PDE10A: variants seen among roughly 807,000 people sequenced by gnomAD.
The protein encoded by PDE10A is cAMP and cAMP-inhibited cGMP 3',5'-cyclic phosphodiesterase 10A.
Under a neutral mutation model 97.7 loss-of-function variants are expected in PDE10A, and 39 were observed. The observed-to-expected ratio is 0.40, with a 90% CI of 0.31 to 0.52. The LOEUF (loss-of-function observed/expected upper bound fraction) is 0.52, where lower values mean the gene tolerates loss of function less well. Ranked by LOEUF, PDE10A falls within the 20% of genes least tolerant of loss-of-function variation. The pLI is 0.56. For synonymous variants in PDE10A, 371 were observed against 376.8 expected (o/e 0.98, Z 0.18); for missense variants, 731 against 1,047.8 (o/e 0.70, Z 4.17).
chr6:165,388,248 C>T lies in PDE10A; in HGVS notation c.2610+50G>A. On this transcript the variant is annotated intron_variant, in intron 17 of 21. Coordinates refer to ENST00000539869, the MANE Select transcript of PDE10A (RefSeq NM_001385079.1). This position sits in a 1 kb window ranked among gnomAD's most constrained non-coding sequence, Gnocchi z 4.0. ...TTTTCCACCTATGAAGTATCCCTATCTCCCAGACAGCCCTTCAGACTAAGC... is the reference window on the plus strand; with the variant it reads ...TTTTCCACCTATGAAGTATCCCTATTTCCCAGACAGCCCTTCAGACTAAGC... The T allele has an allele frequency of 1.9e-6, 3 of 1,574,872 alleles. No individual in the cohort carries two copies. Among genetic ancestry groups the T allele is most frequent in the Non-Finnish European group, 2.6e-6 (3 of 1,146,140 alleles).
At chr6:165,620,764 G>GGTGCAGGGGTTCACGCCT (rs369808830) in intron 1 of PDE10A, among the ~76,000 whole-genome samples, 1 of 151,872 alleles carries the variant, frequency 6.6e-6, no homozygotes, top group Admixed American at 6.6e-5. Context: ...GAGAAGGCTG[G>GGTGCAGGGGTTCACGCCT]GTAATCCCAA....
At chr6:165,890,232 C>T (rs1236467057) in intron 1 of PDE10A, among the ~76,000 whole-genome samples, 3 of 152,058 alleles carry the variant, frequency 2.0e-5, no homozygotes, top group African/African-American at 7.2e-5. Context: ...CCAGACTTTC[C>T]CCACGTGCGG....
chr6:165,584,564 T>A (rs1212652070), intron 1 of PDE10A, among the ~76,000 whole-genome samples: 1 of 152,164 alleles, frequency 6.6e-6, no homozygotes, highest in African/African-American at 2.4e-5. Context: ...CCATTTTGTG[T>A]CTCTTGCTTA....
At chr6:165,338,063 A>G (rs2128176745) in intron 20 of PDE10A, among the ~76,000 whole-genome samples, 1 of 152,358 alleles carries the variant, frequency 6.6e-6, no homozygotes, top group Non-Finnish European at 1.5e-5. Context: ...GAACAGTGGT[A>G]AAATGCGACA....
chr6:165,699,545 T>C (rs1791518979), intron 1 of PDE10A, among the ~76,000 whole-genome samples: 2 of 152,114 alleles, frequency 1.3e-5, no homozygotes, highest in South Asian at 4.1e-4. Context: ...GTATACATCC[T>C]CAAGAGCACT....
chr6:165,610,895 G>C (rs1001022718), intron 1 of PDE10A, among the ~76,000 whole-genome samples: 3 of 152,100 alleles, frequency 2.0e-5, no homozygotes, highest in Non-Finnish European at 4.4e-5. Flanking sequence ...AGCAGCCTAA[G>C]TTCTCTGCAA....
Position 165,330,078 on chromosome 6 carries a change from A to T in PDE10A, c.*2947T>A, listed in dbSNP as rs552665760. On this transcript the variant is annotated 3_prime_UTR_variant, in exon 22 of 22. Coordinates refer to ENST00000539869, the MANE Select transcript of PDE10A (RefSeq NM_001385079.1). ...CCAAGGACATTTTTAGCTAAAAAACATATTCACTGTGTCCAAAAAGATAAT... is the reference window on the plus strand; with the variant it reads ...CCAAGGACATTTTTAGCTAAAAAACTTATTCACTGTGTCCAAAAAGATAAT... 11 of 152,346 alleles carry T rather than the reference A, an allele frequency of 7.2e-5. No individual in the cohort carries two copies. In the East Asian group the frequency reaches 1.9e-3, roughly 27 times the overall value. The allele number at this position is 152,346 out of a possible 1,614,324, so 9.4% of individuals were successfully genotyped here.
intron 1 of PDE10A, among the ~76,000 whole-genome samples, chr6:165,549,108 G>C (rs1783883054): frequency 6.6e-6 from 1 of 152,014 alleles, no homozygotes; most frequent in Non-Finnish European, 1.5e-5. Context: ...GATATCTTAG[G>C]TTCCTTTTGT....
intron 1 of PDE10A, among the ~76,000 whole-genome samples, chr6:165,728,806 A>G (rs1383882264): frequency 6.6e-6 from 1 of 152,152 alleles, no homozygotes; most frequent in Admixed American, 6.5e-5. Context: ...GGGGCCAAAA[A>G]CAAGACTTGT....
chr6:165,710,728 A>G (rs1301900412), intron 1 of PDE10A, among the ~76,000 whole-genome samples: 1 of 152,226 alleles, frequency 6.6e-6, no homozygotes, highest in Non-Finnish European at 1.5e-5. Context: ...TAAGGGTGTT[A>G]CCGTCATTGT....
intron 1 of PDE10A, among the ~76,000 whole-genome samples, chr6:165,739,149 A>G (rs556226246): frequency 1.3e-5 from 2 of 152,362 alleles, no homozygotes; most frequent in South Asian, 2.1e-4. Context: ...CCTAAAATTC[A>G]TATGGAATCA....
intron 16 of PDE10A, among the ~76,000 whole-genome samples, chr6:165,389,187 T>G (rs916478907): frequency 1.5e-4 from 23 of 149,376 alleles, no homozygotes; most frequent in African/African-American, 5.8e-4. Flanking sequence ...ATAAAAGGCT[T>G]ATATTCTCAG....
rs138994439 is a variant in PDE10A at position 165,343,497 on chromosome 6, C to A, written c.2789G>T (p.Arg930Leu). 5.6e-6 allele frequency: 9 copies of A among 1,609,606 alleles called. No homozygotes were observed. The highest frequency in any genetic ancestry group is 6.8e-6 in the Non-Finnish European group (8 of 1,175,942). ...GGCAGTCATCATCAAACCAATTACACGGTCTCTAGAACACAACAATATAAG... is the reference window on the plus strand; with the variant it reads ...GGCAGTCATCATCAAACCAATTACAAGGTCTCTAGAACACAACAATATAAG... Reference protein sequence around the residue: ...LNLNNQSHRDRVIGLMMTACD... With the variant: ...LNLNNQSHRDLVIGLMMTACD... The change falls in exon 19 of 22, where the codon CGT becomes CTT. Residue 930 changes from arginine (R) to leucine (L), a missense_variant. Coordinates refer to ENST00000539869, the MANE Select transcript of PDE10A (RefSeq NM_001385079.1).
chr6:165,775,788 A>T (rs1252540364), intron 1 of PDE10A: 1 of 152,254 alleles, frequency 6.6e-6, no homozygotes, highest in Non-Finnish European at 1.5e-5. Flanking sequence ...GCCAGTTATT[A>T]AAGTACACCT....
intron 2 of PDE10A, among the ~76,000 whole-genome samples, chr6:165,494,101 AT>A (rs2128289873): frequency 6.6e-6 from 1 of 152,316 alleles, no homozygotes; most frequent in East Asian, 1.9e-4. Flanking sequence ...GGAACTGCAA[AT>A]CAAAACCACA....
chr6:165,696,041 G>A (rs552075360), intron 1 of PDE10A, among the ~76,000 whole-genome samples: 11 of 152,210 alleles, frequency 7.2e-5, no homozygotes, highest in African/African-American at 2.6e-4. Context: ...AGGGTAACTG[G>A]CCACACCCAA....
At chr6:165,394,589 G>T (rs1171743221) in intron 15 of PDE10A, among the ~76,000 whole-genome samples, 3 of 152,104 alleles carry the variant, frequency 2.0e-5, no homozygotes, top group Admixed American at 2.0e-4. Flanking sequence ...ACCTAGTAAT[G>T]GGATTGCTAG....
intron 1 of PDE10A, among the ~76,000 whole-genome samples, chr6:165,881,234 T>C (rs1159059136): frequency 6.6e-6 from 1 of 152,164 alleles, no homozygotes; most frequent in Non-Finnish European, 1.5e-5. Context: ...AATTTCAAAA[T>C]GTCAGCCCTT....
At chr6:165,560,526 G>C (rs1037320122) in intron 1 of PDE10A, among the ~76,000 whole-genome samples, 1 of 152,190 alleles carries the variant, frequency 6.6e-6, no homozygotes, top group Non-Finnish European at 1.5e-5. Context: ...ACGGGTGTTG[G>C]TTTAAGTCAC....
Sources: allele counts gnomAD v4.1 joint callset (sites outside exome capture counted in the v4.1 genomes callset), GRCh38; gene constraint gnomAD v4.1.1; non-coding constraint Gnocchi (gnomAD v3.1); transcripts MANE v1.5; gene names NCBI Gene and HGNC (gene_info 2026-07-23, HGNC 2026-07-21).